Variants in VIPR1 observed in about 807,000 individuals in gnomAD.
VIPR1 encodes the protein vasoactive intestinal peptide receptor 1.
In VIPR1, 59 loss-of-function variants were observed where a neutral mutation model predicts 58.8. The ratio of observed to expected loss-of-function variants is 1.00; its 90% CI spans 0.81 to 1.25. The LOEUF (loss-of-function observed/expected upper bound fraction) is 1.25. Among genes scored for constraint, VIPR1 ranks in the 50% most tolerant of loss-of-function variants. The probability of loss-of-function intolerance (pLI) is 0.00; values close to 1 mark genes in which losing one functional copy is unlikely to be tolerated. For missense variants in VIPR1, 626 were observed against 602.7 expected (o/e 1.04, Z -0.40); for synonymous variants, 251 against 242.1 (o/e 1.04, Z -0.34).
intron 1 of VIPR1, among the ~76,000 whole-genome samples, chr3:42,503,754 C>G (rs1699985637): frequency 6.6e-6 from 1 of 152,200 alleles, no homozygotes; most frequent in South Asian, 2.1e-4. Context: ...CATCTGTCTC[C>G]CACCAGTTAG....
At chr3:42,513,542 T>C (rs769735713) in intron 1 of VIPR1, 9 of 534,610 alleles carry the variant, frequency 1.7e-5, no homozygotes, top group Admixed American at 3.2e-5. Flanking sequence ...CAAGAAGCTG[T>C]GGCAGGGTCC....
In VIPR1 at chr3:42,535,015, G is replaced by C. The variant is rs367931421; in HGVS notation, c.1051G>C (p.Gly351Arg). 1 of 1,614,036 alleles carries C rather than the reference G, an allele frequency of 6.2e-7. No individual in the cohort carries two copies. Among genetic ancestry groups the C allele is most frequent in the Non-Finnish European group, 8.5e-7 (1 of 1,180,026 alleles). Residue 351 changes from glycine (G) to arginine (R), a missense_variant, in exon 11 of 13, where the codon GGA (glycine) becomes CGA (arginine). Transcript: ENST00000325123. ...RSTLLLIPLF[G>R]VHYIMFAFFP... ...CACACTCCTGCTGATCCCCCTGTTT[G>C]GAGTACACTACATCATGTTCGCCTT...
chr3:42,517,343 C>G (rs550710204), intron 2 of VIPR1, among the ~76,000 whole-genome samples: 1 of 152,160 alleles, frequency 6.6e-6, no homozygotes, highest in South Asian at 2.1e-4. Flanking sequence ...GCCCAGCTGG[C>G]GTTGACTTTG....
Position 42,537,308 on chromosome 3 carries a change from C to T in VIPR1, c.*1027C>T, listed in dbSNP as rs1701910418. 6.6e-6 allele frequency: 1 copy of T among 152,222 alleles called. No homozygotes were observed. The highest frequency in any genetic ancestry group is 6.5e-5 in the Admixed American group (1 of 15,270). 9.4% of individuals were successfully genotyped at this position (152,222 alleles called of 1,614,324 possible). On this transcript the variant is annotated 3_prime_UTR_variant, in exon 13 of 13. Coordinates refer to ENST00000325123, the MANE Select transcript of VIPR1 (RefSeq NM_004624.4). ...TACTGCTAACTTTTGTGTATCGTAA[C>T]CAGCCAGATCCTCTTGGTTATTTGT...
At position 42,537,328 on chromosome 3, in the gene VIPR1, A is replaced by G. The variant is rs1378316936; in HGVS notation, c.*1047A>G. ...CGTAACCAGCCAGATCCTCTTGGTT[A>G]TTTGTTTACCACTTGTATTATTAAT... is the stretch of plus-strand genomic sequence containing the variant. On this transcript the variant is annotated 3_prime_UTR_variant, in exon 13 of 13. Coordinates refer to ENST00000325123, the MANE Select transcript of VIPR1 (RefSeq NM_004624.4). 1 of 152,202 alleles carries G rather than the reference A, an allele frequency of 6.6e-6. No individual in the cohort carries two copies. Among genetic ancestry groups the G allele is most frequent in the Non-Finnish European group, 1.5e-5 (1 of 68,026 alleles). 9.4% of individuals were successfully genotyped at this position (152,202 alleles called of 1,614,324 possible). A position where few individuals can be genotyped will look rare whatever the true frequency, so the allele number is the denominator to read the frequency against.
chr3:42,525,434 T>C (rs1206714719), intron 3 of VIPR1, among the ~76,000 whole-genome samples: 1 of 139,670 alleles, frequency 7.2e-6, no homozygotes, highest in African/African-American at 2.6e-5. Flanking sequence ...CTTCCAGGTG[T>C]GAGAAGAAAC....
intron 4 of VIPR1, 23 bp downstream of exon 4, chr3:42,526,016 C>T (rs758597242): frequency 7.5e-6 from 12 of 1,597,746 alleles, no homozygotes; most frequent in African/African-American, 2.7e-5. Context: ...GCACCCCCAC[C>T]TCACCTGCAG....
At chr3:42,494,009 C>T (rs1274006542) in intron 1 of VIPR1, among the ~76,000 whole-genome samples, 18 of 152,236 alleles carry the variant, frequency 1.2e-4, no homozygotes, top group Admixed American at 1.2e-3. Context: ...CAGGTCCCCT[C>T]ACCTCACCAG....
At chr3:42,507,632 G>T (rs1577205862) in intron 1 of VIPR1, among the ~76,000 whole-genome samples, 1 of 152,208 alleles carries the variant, frequency 6.6e-6, no homozygotes. Context: ...GTGTGGCCAG[G>T]ATCGTGAACA....
upstream of VIPR1, among the ~76,000 whole-genome samples, chr3:42,498,924 A>G (rs1290712460): frequency 6.6e-6 from 1 of 152,176 alleles, no homozygotes; most frequent in Non-Finnish European, 1.5e-5. Context: ...GCCCTCCACC[A>G]AATTACAGCC....
upstream of VIPR1, among the ~76,000 whole-genome samples, chr3:42,498,217 T>A (rs906513009): frequency 2.6e-4 from 39 of 152,362 alleles, no homozygotes; most frequent in Admixed American, 7.2e-4. Flanking sequence ...TTGGAGCCTC[T>A]AGCCACATTG....
intron 2 of VIPR1, among the ~76,000 whole-genome samples, 197 bp downstream of exon 2, chr3:42,514,051 G>A (rs1289837780): frequency 2.0e-5 from 3 of 152,166 alleles, no homozygotes; most frequent in Admixed American, 1.3e-4. Context: ...GCTCCCAGCC[G>A]CAGCTAAGGA....
chr3:42,511,030 C>T (rs986231317), intron 1 of VIPR1, among the ~76,000 whole-genome samples: 22 of 152,196 alleles, frequency 1.4e-4, no homozygotes, highest in Admixed American at 6.5e-4. Flanking sequence ...ATCTTGTCCT[C>T]AGAGGGCAAG....
At chr3:42,519,549 T>C in intron 3 of VIPR1, 1 of 451,784 alleles carries the variant, frequency 2.2e-6, no homozygotes, top group East Asian at 3.8e-5. Context: ...GCTCACTAAA[T>C]ATTTGCTCAA....
At chr3:42,495,992 T>C (rs1053736708) in intron 1 of VIPR1, among the ~76,000 whole-genome samples, 1 of 151,862 alleles carries the variant, frequency 6.6e-6, no homozygotes, top group Non-Finnish European at 1.5e-5. Context: ...TGTGAGATAA[T>C]AATGAGTGCT....
upstream of VIPR1, among the ~76,000 whole-genome samples, chr3:42,499,852 G>A (rs1461058646): frequency 6.6e-6 from 1 of 152,130 alleles, no homozygotes; most frequent in Non-Finnish European, 1.5e-5. Context: ...GATTCTACAG[G>A]ACTCCCCAAG....
chr3:42,505,536 C>A (rs1272872660), intron 1 of VIPR1, among the ~76,000 whole-genome samples: 8 of 152,248 alleles, frequency 5.3e-5, no homozygotes, highest in African/African-American at 1.7e-4. Flanking sequence ...CTTTGGGAAA[C>A]ATGGCTGCAT....
intron 1 of VIPR1, among the ~76,000 whole-genome samples, chr3:42,496,332 C>T (rs529359009): frequency 2.0e-5 from 3 of 152,332 alleles, no homozygotes; most frequent in African/African-American, 7.2e-5. Flanking sequence ...ACATGATTTA[C>T]ACTTTTACTG....
At chr3:42,528,567 C>G (rs1577247177) in intron 6 of VIPR1, 1 of 111,990 alleles carries the variant, frequency 8.9e-6, no homozygotes, top group Non-Finnish European at 1.8e-5. Flanking sequence ...TTTTCCTACT[C>G]CCCCCGTCCC....
Sources: allele counts gnomAD v4.1 joint callset (sites outside exome capture counted in the v4.1 genomes callset), GRCh38; gene constraint gnomAD v4.1.1; transcripts MANE v1.5; gene names NCBI Gene and HGNC (gene_info 2026-07-23, HGNC 2026-07-21).